The following PCDHGA9 variants were observed in gnomAD, a reference collection of about 807,000 sequenced individuals.
PCDHGA9 encodes the protein protocadherin gamma subfamily A, 9.
A neutral mutation model predicts 62.5 loss-of-function variants in PCDHGA9; 37 were observed. The observed-to-expected ratio is 0.59, with a 90% CI of 0.46 to 0.78. The LOEUF is 0.78. Ranked by LOEUF, PCDHGA9 falls within the 30% of genes least tolerant of loss-of-function variation. PCDHGA9 has a pLI of 0.00. For missense variants in PCDHGA9, 1,138 were observed against 1,166.2 expected (o/e 0.98, Z 0.35); for synonymous variants, 459 against 484.6 (o/e 0.95, Z 0.69).
rs779317191 is a variant in PCDHGA9, at chr5:141,432,553, C to G, written c.2424+27177C>G. The G allele has an allele frequency of 2.6e-5, 42 of 1,613,748 alleles. No individual in the cohort carries two copies. The highest frequency in any genetic ancestry group is 2.0e-4 in the South Asian group (18 of 91,068). The stretch of plus-strand genomic sequence containing the variant: ...AGGTGGTGGCGGTGGACAGAGACTC[C>G]GGCCAGAACGCCTGGCTGTCCTACC... On this transcript the variant is annotated intron_variant, in intron 1 of 3. Coordinates refer to ENST00000573521, the MANE Select transcript of PCDHGA9 (RefSeq NM_018921.3). The surrounding 1 kb of genome is among the most constrained non-coding windows in gnomAD (Gnocchi z 6.0).
Position 141,404,334 on chromosome 5 carries a change from T to G in PCDHGA9, c.1382T>G (p.Leu461Arg), listed in dbSNP as rs1201635505. Residue 461 changes from leucine (L) to arginine (R), a missense_variant, in exon 1 of 4, where the codon CTC becomes CGC. Coordinates refer to ENST00000573521, the MANE Select transcript of PCDHGA9 (RefSeq NM_018921.3). ...TCTCAAGCCTCCTACTCAGTCTACC[T>G]CCCGGAAAACAACGCCAGAGGTACT... The part of the protein sequence containing the change: ...AFSQASYSVY[L>R]PENNARGTSI... 1.2e-6 allele frequency: 2 copies of G among 1,613,882 alleles called. No individual in the cohort carries two copies. The highest frequency in any genetic ancestry group is 1.7e-6 in the Non-Finnish European group (2 of 1,179,812).
At position 141,427,298 on chromosome 5, in the gene PCDHGA9, G is replaced by A. The variant is rs960474831; in HGVS notation, c.2424+21922G>A. The A allele has an allele frequency of 8.8e-6, 4 of 456,870 alleles. No individual in the cohort carries two copies. The Admixed American group carries it at 9.4e-5, about 11-fold the overall frequency. 28.3% of individuals were successfully genotyped at this position (456,870 alleles called of 1,614,324 possible). A position where few individuals can be genotyped will look rare whatever the true frequency, so the allele number is the denominator to read the frequency against. On this transcript the variant is annotated intron_variant, in intron 1 of 3. Coordinates refer to ENST00000573521, the MANE Select transcript of PCDHGA9 (RefSeq NM_018921.3). ...AAATTATACTAGAAATCCTAGATGA[G>A]AATGACAATGCCCCAGACGTGGTTT...
intron 1 of PCDHGA9, chr5:141,415,308 C>A: frequency 6.2e-7 from 1 of 1,614,236 alleles, no homozygotes; most frequent in Non-Finnish European, 8.5e-7. Context: ...TCCTGGCCTT[C>A]GTCATCGTGC....
chr5:141,490,045 C>G lies in PCDHGA9; in HGVS notation c.2425-4762C>G, dbSNP rs530803072. 6 of 1,614,114 alleles carry G rather than the reference C, an allele frequency of 3.7e-6. No individual in the cohort carries two copies. The highest frequency in any genetic ancestry group is 5.1e-6 in the Non-Finnish European group (6 of 1,180,014). On this transcript the variant is annotated intron_variant, in intron 1 of 3. Coordinates refer to ENST00000573521, the MANE Select transcript of PCDHGA9 (RefSeq NM_018921.3). This position sits in a 1 kb window ranked among gnomAD's most constrained non-coding sequence, Gnocchi z 5.4. ...GCTGCTCCGCCTCAATGCCACTGAT[C>G]CAGACGAGGGCACCAACGGCCAACT...
chr5:141,418,370 C>G (rs910813828), intron 1 of PCDHGA9: 1 of 1,613,822 alleles, frequency 6.2e-7, no homozygotes, highest in African/African-American at 1.3e-5. Flanking sequence ...GAGCAAATAC[C>G]AACTAAGTCC....
chr5:141,489,101 T>G lies in PCDHGA9; in HGVS notation c.2425-5706T>G. 1 of 398,408 alleles carries G rather than the reference T, an allele frequency of 2.5e-6. No homozygotes were observed. Among genetic ancestry groups the G allele is most frequent in the Non-Finnish European group, 4.5e-6 (1 of 223,328 alleles). The allele number at this position is 398,408 out of a possible 1,614,324, so 24.7% of individuals were successfully genotyped here. On this transcript the variant is annotated intron_variant, in intron 1 of 3. Transcript: ENST00000573521. The surrounding 1 kb of genome is among the most constrained non-coding windows in gnomAD (Gnocchi z 4.5). Reference sequence around the variant, plus strand: ...CCGCCACTCGGTGACTAAGAACTGCTGCAAGCAGGCAAACCTCCGAGCAGT... The same window carrying G: ...CCGCCACTCGGTGACTAAGAACTGCGGCAAGCAGGCAAACCTCCGAGCAGT...
intron 1 of PCDHGA9, chr5:141,423,652 A>G (rs746768292): frequency 1.9e-6 from 3 of 1,583,268 alleles, no homozygotes; most frequent in Non-Finnish European, 2.6e-6. Flanking sequence ...TGACCCGACA[A>G]GTAATCAGGT....
At chr5:141,509,670 T>G (rs2099877782) in intron 3 of PCDHGA9, among the ~76,000 whole-genome samples, 1 of 152,136 alleles carries the variant, frequency 6.6e-6, no homozygotes, top group African/African-American at 2.4e-5. Flanking sequence ...TGGGCCCCAG[T>G]TTCTTCTTCT....
rs58019021 is a variant in PCDHGA9, at chr5:141,500,184, T to TTTTATTTATTTA, written c.2484-5178_2484-5167dup. Among the ~76,000 whole-genome samples, 232 of 135,962 alleles carry TTTTATTTATTTA rather than the reference T, an allele frequency of 1.7e-3. 1 individual carries two copies. The highest frequency in any genetic ancestry group is 6.4e-3 in the South Asian group (27 of 4,202). The allele number at this position is 135,962 out of a possible 152,430, so 89.2% of individuals were successfully genotyped here. A position where few individuals can be genotyped will look rare whatever the true frequency, so the allele number is the denominator to read the frequency against. The stretch of plus-strand genomic sequence containing the variant: ...GAACATGCATGAGCTTCATTTTTAT[T>TTTTATTTATTTA]TTTATTTATTTATTTATTTATTTAT... On this transcript the variant is annotated intron_variant, in intron 2 of 3. Transcript: ENST00000573521.
chr5:141,495,107 A>G (rs559621284), intron 2 of PCDHGA9, among the ~76,000 whole-genome samples: 1 of 152,166 alleles, frequency 6.6e-6, no homozygotes, highest in East Asian at 1.9e-4. Flanking sequence ...CACGACCGGC[A>G]CCTTTTCCTA....
intron 1 of PCDHGA9, among the ~76,000 whole-genome samples, chr5:141,447,978 C>T (rs759162070): frequency 1.1e-4 from 17 of 151,694 alleles, no homozygotes; most frequent in East Asian, 3.9e-4. Flanking sequence ...CCCAGCTACT[C>T]GGGAGGCTGA....
chr5:141,446,173 G>A (rs2098491860), intron 1 of PCDHGA9, among the ~76,000 whole-genome samples: 1 of 152,076 alleles, frequency 6.6e-6, no homozygotes, highest in East Asian at 1.9e-4. Context: ...TGAGGGCAGG[G>A]GGTGTTTTGT....
At chr5:141,508,732 C>A (rs1037039751) in intron 3 of PCDHGA9, among the ~76,000 whole-genome samples, 3 of 151,880 alleles carry the variant, frequency 2.0e-5, no homozygotes, top group Non-Finnish European at 4.4e-5. Flanking sequence ...GGAGACTACA[C>A]CCCCCACCCC....
chr5:141,436,140 A>G (rs1324666699), intron 1 of PCDHGA9, among the ~76,000 whole-genome samples: 2 of 152,224 alleles, frequency 1.3e-5, no homozygotes, highest in Non-Finnish European at 2.9e-5. Flanking sequence ...TCTTGTATGA[A>G]CTACCAAAAT....
intron 1 of PCDHGA9, among the ~76,000 whole-genome samples, chr5:141,482,052 T>G (rs2099551017): frequency 6.7e-6 from 1 of 150,154 alleles, no homozygotes; most frequent in Non-Finnish European, 1.5e-5. Flanking sequence ...GCTGTTGCAT[T>G]CCAGCCTGGG....
Position 141,477,876 on chromosome 5 carries a change from G to A in PCDHGA9, c.2425-16931G>A, listed in dbSNP as rs1412801533. The A allele has an allele frequency of 4.3e-6, 7 of 1,614,144 alleles. No individual in the cohort carries two copies. Among genetic ancestry groups the A allele is most frequent in the Non-Finnish European group, 5.9e-6 (7 of 1,180,030 alleles). ...ATGCTGCCTCGAGGTACCTCAGCTG[G>A]CCACCTAGTGTCACGGGTGGTAGGC... On this transcript the variant is annotated intron_variant, in intron 1 of 3. Coordinates refer to ENST00000573521, the MANE Select transcript of PCDHGA9 (RefSeq NM_018921.3). The surrounding 1 kb of genome is among the most constrained non-coding windows in gnomAD (Gnocchi z 4.9).
rs2099884522 is a variant in PCDHGA9, at chr5:141,512,941, T to C, written c.*1768T>C. On this transcript the variant is annotated 3_prime_UTR_variant, in exon 4 of 4. Transcript: ENST00000573521. ...CTAATATTTATATGGCTTTTTTTCT[T>C]CGACAAAAAAATAATAAAACGTTTC... The C allele has an allele frequency of 6.6e-6, 1 of 151,892 alleles. No individual in the cohort carries two copies. The highest frequency in any genetic ancestry group is 6.6e-5 in the Admixed American group (1 of 15,236). The allele number at this position is 151,892 out of a possible 1,614,324, so 9.4% of individuals were successfully genotyped here.
In PCDHGA9 at chr5:141,491,244, T is replaced by G. The variant is rs754328211; in HGVS notation, c.2425-3563T>G. The G allele has an allele frequency of 6.2e-6, 10 of 1,614,092 alleles. No homozygotes were observed. The South Asian group carries it at 1.1e-4, about 18-fold the overall frequency. ...CCACAGTGCTGCTGGTTCTGGAGGA[T>G]GAGGACCCTGAGGAAATGCCCAAAT... On this transcript the variant is annotated intron_variant, in intron 1 of 3. Transcript: ENST00000573521. This position sits in a 1 kb window ranked among gnomAD's most constrained non-coding sequence, Gnocchi z 6.9.
Position 141,423,758 on chromosome 5 carries a change from GGGT to G in PCDHGA9, c.2424+18385_2424+18387del, listed in dbSNP as rs776356896. The G allele has an allele frequency of 7.0e-4, 256 of 366,834 alleles. 2 individuals are homozygous for G. The highest frequency in any genetic ancestry group is 6.8e-3 in the African/African-American group (232 of 34,230). The allele number at this position is 366,834 out of a possible 1,614,324, so 22.7% of individuals were successfully genotyped here. A position where few individuals can be genotyped will look rare whatever the true frequency, so the allele number is the denominator to read the frequency against. ...CTGTTATGAAAACTGTTTGGGGGGG[GGGT>G]GGGGCGGCATATATTTAGTTCATAT... On this transcript the variant is annotated intron_variant, in intron 1 of 3. Coordinates refer to ENST00000573521, the MANE Select transcript of PCDHGA9 (RefSeq NM_018921.3).
Sources: gnomAD v4.1 joint callset for allele counts (sites outside exome capture counted in the v4.1 genomes callset) on GRCh38, gnomAD v4.1.1 for gene constraint, Gnocchi (gnomAD v3.1) non-coding constraint, MANE v1.5 for transcripts, NCBI Gene and HGNC (gene_info 2026-07-23, HGNC 2026-07-21) for gene names.